MACROD2: variants seen among roughly 807,000 people sequenced by gnomAD.
MACROD2 encodes the protein ADP-ribose glycohydrolase MACROD2.
In MACROD2, 36 loss-of-function variants were observed where a neutral mutation model predicts 70.4. The ratio of observed to expected loss-of-function variants is 0.51; its 90% confidence interval spans 0.39 to 0.68. MACROD2 has a LOEUF of 0.68. Ranked by LOEUF, MACROD2 falls within the 30% of genes least tolerant of loss-of-function variation. The pLI, the probability that MACROD2 is intolerant of heterozygous loss-of-function variation, is 0.00. For synonymous variants in MACROD2, 172 were observed against 178.8 expected (o/e 0.96, Z 0.30); for missense variants, 496 against 538.4 (o/e 0.92, Z 0.78).
intron 3 of MACROD2, among the ~76,000 whole-genome samples, chr20:14,204,881 T>TATATCATTTATATGATA (rs1319017089): frequency 6.6e-6 from 1 of 152,208 alleles, no homozygotes; most frequent in African/African-American, 2.4e-5. Context: ...TTATCATTTT[T>TATATCATTTATATGATA]TAAAGAACTG....
chr20:15,523,451 C>A (rs750626026), intron 8 of MACROD2, among the ~76,000 whole-genome samples: 3 of 152,100 alleles, frequency 2.0e-5, no homozygotes, highest in Non-Finnish European at 2.9e-5. Flanking sequence ...AGACAAAGGA[C>A]CGATTTGGGG....
chr20:14,115,720 T>C (rs190910216), intron 3 of MACROD2, among the ~76,000 whole-genome samples: 23 of 152,246 alleles, frequency 1.5e-4, no homozygotes, highest in Admixed American at 1.1e-3. Flanking sequence ...AAGAGTGAAA[T>C]TGAGATTTGT....
chr20:14,955,256 A>T (rs866823795), intron 5 of MACROD2, among the ~76,000 whole-genome samples: 4 of 136,998 alleles, frequency 2.9e-5, no homozygotes, highest in African/African-American at 1.1e-4. Context: ...TAATTTATAT[A>T]ATATAATATA....
At chr20:14,499,089 C>T (rs547394631) in intron 4 of MACROD2, among the ~76,000 whole-genome samples, 2 of 152,266 alleles carry the variant, frequency 1.3e-5, no homozygotes, top group Admixed American at 1.3e-4. Flanking sequence ...GGGGCCCCAG[C>T]CATGGGCCTG....
At chr20:15,734,239 T>C (rs1328481095) in intron 8 of MACROD2, among the ~76,000 whole-genome samples, 1 of 152,156 alleles carries the variant, frequency 6.6e-6, no homozygotes, top group African/African-American at 2.4e-5. Flanking sequence ...ATTTGAAGCA[T>C]GACGCCAGAG....
intron 5 of MACROD2, among the ~76,000 whole-genome samples, chr20:14,898,340 A>T (rs756467756): frequency 2.1e-4 from 32 of 152,152 alleles, no homozygotes; most frequent in Non-Finnish European, 4.3e-4. Flanking sequence ...GTGAAATTCC[A>T]AATAAATTTA....
chr20:15,228,333 G>A (rs1601260641), intron 5 of MACROD2, among the ~76,000 whole-genome samples: 1 of 152,190 alleles, frequency 6.6e-6, no homozygotes, highest in East Asian at 1.9e-4. Context: ...GATCACATGA[G>A]ATGAGCCCCT....
At chr20:14,032,782 A>T (rs190912516) in intron 2 of MACROD2, among the ~76,000 whole-genome samples, 1 of 152,294 alleles carries the variant, frequency 6.6e-6, no homozygotes, top group East Asian at 1.9e-4. Flanking sequence ...GAATATGCCT[A>T]ATCTTTGTAC....
chr20:14,137,335 T>C (rs2054812271), intron 3 of MACROD2, among the ~76,000 whole-genome samples: 1 of 152,222 alleles, frequency 6.6e-6, no homozygotes, highest in Non-Finnish European at 1.5e-5. Context: ...AGGAAATGTA[T>C]TTACTATCCA....
intron 8 of MACROD2, among the ~76,000 whole-genome samples, chr20:15,776,344 G>A (rs1297156533): frequency 2.6e-5 from 4 of 152,098 alleles, no homozygotes; most frequent in African/African-American, 9.7e-5. Context: ...GCAGGACCCT[G>A]TCCTCTCCCA....
intron 3 of MACROD2, among the ~76,000 whole-genome samples, chr20:14,318,538 T>G (rs1168789932): frequency 6.6e-6 from 1 of 152,202 alleles, no homozygotes; most frequent in Non-Finnish European, 1.5e-5. Flanking sequence ...TTTACATGAG[T>G]AAAAATACTT....
At chr20:15,004,501 T>C (rs2075020632) in intron 5 of MACROD2, among the ~76,000 whole-genome samples, 1 of 152,208 alleles carries the variant, frequency 6.6e-6, no homozygotes, top group Non-Finnish European at 1.5e-5. Context: ...TAAATGGGTG[T>C]ACTACCAGAT....
intron 5 of MACROD2, among the ~76,000 whole-genome samples, chr20:15,187,354 T>TA (rs1401079539): frequency 6.6e-6 from 1 of 152,098 alleles, no homozygotes; most frequent in African/African-American, 2.4e-5. Context: ...CACAAAAAAG[T>TA]AAAAAAGATT....
chr20:14,603,699 A>T (rs1335021075), intron 4 of MACROD2, among the ~76,000 whole-genome samples: 3 of 152,300 alleles, frequency 2.0e-5, no homozygotes, highest in African/African-American at 7.2e-5. Context: ...ATGTTTTCAC[A>T]GGCATTATTT....
chr20:14,165,619 A>G (rs1234941186), intron 3 of MACROD2, among the ~76,000 whole-genome samples: 2 of 152,244 alleles, frequency 1.3e-5, no homozygotes, highest in African/African-American at 2.4e-5. Flanking sequence ...TAGAGAAATA[A>G]TGGAGATACT....
chr20:14,244,148 C>T (rs1307408689), intron 3 of MACROD2, among the ~76,000 whole-genome samples: 1 of 152,150 alleles, frequency 6.6e-6, no homozygotes, highest in Non-Finnish European at 1.5e-5. Flanking sequence ...ATATTGTCTC[C>T]ATTTTGTAGC....
intron 4 of MACROD2, among the ~76,000 whole-genome samples, chr20:14,602,778 A>G (rs1312110367): frequency 6.6e-6 from 1 of 152,224 alleles, no homozygotes; most frequent in Non-Finnish European, 1.5e-5. Flanking sequence ...GAAAAGTTAA[A>G]TAAATTAGTT....
At chr20:15,952,939 G>A (rs1438649421) in intron 12 of MACROD2, among the ~76,000 whole-genome samples, 3 of 152,150 alleles carry the variant, frequency 2.0e-5, no homozygotes, top group Non-Finnish European at 4.4e-5. Flanking sequence ...GTTTTGAGAA[G>A]AGACTTTTCG....
intron 5 of MACROD2, among the ~76,000 whole-genome samples, chr20:14,805,132 G>C (rs1237770399): frequency 6.6e-6 from 1 of 152,020 alleles, no homozygotes; most frequent in Non-Finnish European, 1.5e-5. Context: ...GATTCTCAAA[G>C]GGAAATATGA....
Sources: allele counts gnomAD v4.1 joint callset (sites outside exome capture counted in the v4.1 genomes callset), GRCh38; gene constraint gnomAD v4.1.1; transcripts MANE v1.5; gene names NCBI Gene and HGNC (gene_info 2026-07-23, HGNC 2026-07-21).